The following RAI1 variants were observed in gnomAD, a reference collection of about 807,000 sequenced individuals.
RAI1 encodes the protein retinoic acid induced 1, also known as retinoic acid-induced protein 1.
RAI1 carries 9 observed loss-of-function variants against 123.8 expected under a neutral mutation model. That is an observed-to-expected ratio of 0.07 (90% confidence interval 0.04 to 0.13). RAI1 has a LOEUF of 0.13. RAI1 is among the 10% of genes least tolerant of loss of function. The probability of loss-of-function intolerance (pLI) is 1.00; values close to 1 mark genes in which losing one functional copy is unlikely to be tolerated. For missense variants in RAI1, 2,256 were observed against 2,545.8 expected (o/e 0.89, Z 2.45); for synonymous variants, 1,231 against 1,127.3 (o/e 1.09, Z -1.84).
In RAI1 at chr17:17,799,678, G is replaced by A. The variant is rs1383492399; in HGVS notation, c.5565+1165G>A. ...GTCACAGGGGAGCCAGAGGGGCTTG[G>A]CAGGGGTCTCCAGAGGCCCTGGACA... On this transcript the variant is annotated intron_variant, in intron 3 of 5. Transcript: ENST00000353383. The surrounding 1 kb of genome is among the most constrained non-coding windows in gnomAD (Gnocchi z 4.5). 1.3e-5 allele frequency among the ~76,000 whole-genome samples: 2 copies of A among 152,162 alleles called. No homozygotes were observed. The highest frequency in any genetic ancestry group is 6.5e-5 in the Admixed American group (1 of 15,290).
chr17:17,688,002 C>A (rs1914697063), intron 1 of RAI1, among the ~76,000 whole-genome samples: 1 of 126,774 alleles, frequency 7.9e-6, no homozygotes, highest in African/African-American at 3.2e-5. Context: ...TGCACTCCAG[C>A]CTGGGTGAAG....
intron 2 of RAI1, chr17:17,779,138 C>T (rs1424909403): frequency 2.9e-6 from 1 of 345,274 alleles, no homozygotes; most frequent in African/African-American, 2.1e-5. Flanking sequence ...CAAGACAAGG[C>T]ATCAGCCGAC....
intron 1 of RAI1, among the ~76,000 whole-genome samples, chr17:17,689,404 G>A (rs1032455867): frequency 6.6e-6 from 1 of 152,148 alleles, no homozygotes; most frequent in Non-Finnish European, 1.5e-5. Flanking sequence ...CACATGGGGC[G>A]GGTGAGAATT....
intron 2 of RAI1, among the ~76,000 whole-genome samples, chr17:17,728,177 G>A (rs777258058): frequency 1.1e-4 from 16 of 152,020 alleles, no homozygotes; most frequent in Non-Finnish European, 2.1e-4. Context: ...ATGCATGTGT[G>A]CATGTCTGTG....
intron 2 of RAI1, among the ~76,000 whole-genome samples, chr17:17,732,333 C>G (rs1256101969): frequency 3.3e-5 from 5 of 152,172 alleles, no homozygotes; most frequent in African/African-American, 4.8e-5. Flanking sequence ...GGCCACAGGC[C>G]TGAAGCAGGA....
At chr17:17,749,062 G>A (rs1224045921) in intron 2 of RAI1, among the ~76,000 whole-genome samples, 2 of 152,174 alleles carry the variant, frequency 1.3e-5, no homozygotes, top group Non-Finnish European at 2.9e-5. Context: ...GGGCCTCCTG[G>A]ATCTCCCCAC....
chr17:17,797,201 T>G lies in RAI1; in HGVS notation c.4253T>G (p.Leu1418Arg). The change falls in exon 3 of 6, where the codon CTG (leucine) becomes CGG (arginine). Residue 1418 changes from leucine to arginine, a missense_variant. Transcript: ENST00000353383. ...GGCAAACTCATGAACAGTAAGAAAC[T>G]GTCTTCTACTGACTGTTTCAAAACC... ...LKGKLMNSKK[L>R]SSTDCFKTEA... 6.2e-7 allele frequency: 1 copy of G among 1,613,788 alleles called. No individual in the cohort carries two copies. The highest frequency in any genetic ancestry group is 8.5e-7 in the Non-Finnish European group (1 of 1,180,010).
At chr17:17,771,019 C>T (rs1213859544) in intron 2 of RAI1, among the ~76,000 whole-genome samples, 1 of 152,084 alleles carries the variant, frequency 6.6e-6, no homozygotes, top group Non-Finnish European at 1.5e-5. Flanking sequence ...AAGGGCAGGG[C>T]TCAGGAAAGG....
intron 2 of RAI1, among the ~76,000 whole-genome samples, chr17:17,746,213 G>A (rs145531707): frequency 4.1e-4 from 63 of 152,314 alleles, no homozygotes; most frequent in African/African-American, 1.5e-3. Flanking sequence ...GGGTGCCACC[G>A]TGCCCCCACT....
intron 2 of RAI1, among the ~76,000 whole-genome samples, chr17:17,763,196 G>T (rs1490952013): frequency 6.6e-6 from 1 of 152,208 alleles, no homozygotes; most frequent in Admixed American, 6.5e-5. Context: ...AGTAGAGAAG[G>T]GGGACAGGTT....
At chr17:17,807,670 G>A (rs1348617544) in intron 4 of RAI1, among the ~76,000 whole-genome samples, 1 of 152,246 alleles carries the variant, frequency 6.6e-6, no homozygotes, top group East Asian at 1.9e-4. Context: ...TGGTGCTGGG[G>A]CAGTGCTGAG....
intron 2 of RAI1, chr17:17,776,723 G>A (rs2031360755): frequency 7.0e-6 from 1 of 143,474 alleles, no homozygotes; most frequent in Admixed American, 7.2e-5. Context: ...ACTGTGCAGT[G>A]GTGCAGTCAC....
intron 1 of RAI1, among the ~76,000 whole-genome samples, chr17:17,704,501 C>T (rs1362908126): frequency 2.0e-5 from 3 of 152,268 alleles, no homozygotes; most frequent in East Asian, 3.9e-4. Flanking sequence ...CCCAGGCACC[C>T]GTGCCGGGCA....
intron 2 of RAI1, among the ~76,000 whole-genome samples, chr17:17,785,272 A>C (rs938466470): frequency 4.6e-5 from 7 of 152,152 alleles, no homozygotes. Flanking sequence ...CAGGCCCCTC[A>C]TCCTCAAACC....
At chr17:17,774,694 T>C (rs2031276008) in intron 2 of RAI1, among the ~76,000 whole-genome samples, 1 of 152,290 alleles carries the variant, frequency 6.6e-6, no homozygotes, top group Non-Finnish European at 1.5e-5. Context: ...GGGATTTTCC[T>C]GAACTTTCCC....
In RAI1 at chr17:17,703,162, C is replaced by T. The variant is rs984428631; in HGVS notation, c.-148-20866C>T. Among the ~76,000 whole-genome samples, 5 of 152,164 alleles carry T rather than the reference C, an allele frequency of 3.3e-5. No individual in the cohort carries two copies. The East Asian group carries it at 7.7e-4, about 23-fold the overall frequency. On this transcript the variant is annotated intron_variant, in intron 1 of 5. Coordinates refer to ENST00000353383, the MANE Select transcript of RAI1 (RefSeq NM_030665.4). ...ACCTCCACCCCCAGGAGTTGGACAG[C>T]GGCTGTAAGGGGACTTGGAGACTCA...
intron 1 of RAI1, among the ~76,000 whole-genome samples, chr17:17,722,175 A>C (rs890492253): frequency 6.6e-6 from 1 of 152,178 alleles, no homozygotes; most frequent in Non-Finnish European, 1.5e-5. Flanking sequence ...GCCAGGGCTG[A>C]CACATCTGTG....
rs1469744274 is a variant in RAI1, at chr17:17,797,778, A to G, written c.4830A>G (p.Ile1610Met). Residue 1610 changes from isoleucine (I) to methionine (M), a missense_variant, in exon 3 of 6, where the codon ATA (isoleucine) becomes ATG (methionine). This residue lies in a region of RAI1 where 410 missense variants were observed against 374.6 expected (regional missense o/e 1.09). Transcript: ENST00000353383. Reference sequence around the variant, plus strand: ...AGAAGCGAGACGCGTTCACCACCATATGCACTGTTGTCAACTCCCCTGGAG... The same window carrying G: ...AGAAGCGAGACGCGTTCACCACCATGTGCACTGTTGTCAACTCCCCTGGAG... ...RVEKRDAFTT[I>M]CTVVNSPGDA... 2.5e-6 allele frequency: 4 copies of G among 1,613,874 alleles called. No individual in the cohort carries two copies. The highest frequency in any genetic ancestry group is 3.3e-5 in the Admixed American group (2 of 59,994).
chr17:17,762,054 C>A (rs1394858881), intron 2 of RAI1, among the ~76,000 whole-genome samples: 2 of 152,188 alleles, frequency 1.3e-5, no homozygotes, highest in Non-Finnish European at 2.9e-5. Flanking sequence ...TGGAGTGCCA[C>A]CAGCAGCTAC....
Sources: allele counts gnomAD v4.1 joint callset (sites outside exome capture counted in the v4.1 genomes callset), GRCh38; gene constraint gnomAD v4.1.1; regional missense constraint gnomAD v4.1.1; non-coding constraint Gnocchi (gnomAD v3.1); transcripts MANE v1.5; gene names NCBI Gene and HGNC (gene_info 2026-07-23, HGNC 2026-07-21).